The following SGCZ variants were observed in gnomAD, a reference collection of about 807,000 sequenced individuals.
The protein encoded by SGCZ is sarcoglycan zeta.
In SGCZ, 40 loss-of-function variants were observed where a neutral mutation model predicts 41.3. That is an observed-to-expected ratio of 0.97 (90% CI 0.75 to 1.26). SGCZ has a LOEUF of 1.26. SGCZ is among the 50% of genes most tolerant of loss of function. The probability of loss-of-function intolerance (pLI) is 0.00; values close to 1 mark genes in which losing one functional copy is unlikely to be tolerated. For synonymous variants in SGCZ, 206 were observed against 137.5 expected (o/e 1.50, Z -3.49); for missense variants, 552 against 369.8 (o/e 1.49, Z -4.04).
chr8:14,533,701 T>C (rs919025418), intron 2 of SGCZ, among the ~76,000 whole-genome samples: 1 of 151,992 alleles, frequency 6.6e-6, no homozygotes, highest in Non-Finnish European at 1.5e-5. Context: ...TTTTCTACTT[T>C]TACATTATAA....
chr8:15,230,342 G>A (rs1333552698), intron 1 of SGCZ, among the ~76,000 whole-genome samples: 1 of 152,030 alleles, frequency 6.6e-6, no homozygotes, highest in Admixed American at 6.6e-5. Context: ...AGATTTCCCT[G>A]GAATTTTGGC....
intron 2 of SGCZ, among the ~76,000 whole-genome samples, chr8:14,418,603 A>T (rs1799559238): frequency 6.6e-6 from 1 of 151,754 alleles, no homozygotes; most frequent in Non-Finnish European, 1.5e-5. Context: ...CAGTTTTCAA[A>T]GTCTGCTAAC....
intron 4 of SGCZ, among the ~76,000 whole-genome samples, chr8:14,181,252 T>C (rs1224829547): frequency 2.6e-5 from 4 of 152,210 alleles, no homozygotes; most frequent in African/African-American, 9.6e-5. Flanking sequence ...GAAAATATCT[T>C]TCTGAATTGG....
chr8:15,027,780 A>G (rs1040297168), intron 1 of SGCZ, among the ~76,000 whole-genome samples: 7 of 152,076 alleles, frequency 4.6e-5, no homozygotes, highest in Non-Finnish European at 1.0e-4. Context: ...TTAAAGAAAG[A>G]GAAGGGAGAG....
chr8:14,113,607 C>T (rs1374244859), intron 5 of SGCZ, among the ~76,000 whole-genome samples: 1 of 151,970 alleles, frequency 6.6e-6, no homozygotes, highest in Non-Finnish European at 1.5e-5. Context: ...ACCAGGTGAA[C>T]CCGGGAAGTA....
At chr8:14,935,990 T>C (rs1238496904) in intron 1 of SGCZ, among the ~76,000 whole-genome samples, 1 of 151,846 alleles carries the variant, frequency 6.6e-6, no homozygotes, top group African/African-American at 2.4e-5. Context: ...AGGAAGACAA[T>C]TTCCATGCGA....
chr8:14,394,746 AG>A (rs1327655970), intron 2 of SGCZ, among the ~76,000 whole-genome samples: 1 of 152,222 alleles, frequency 6.6e-6, no homozygotes, highest in African/African-American at 2.4e-5. Context: ...TTGTATTTTC[AG>A]CGATTGGGTG....
intron 1 of SGCZ, among the ~76,000 whole-genome samples, chr8:15,177,104 TTA>T (rs1338189151): frequency 1.3e-5 from 2 of 152,248 alleles, no homozygotes; most frequent in Non-Finnish European, 2.9e-5. Context: ...TGTAGATAAT[TTA>T]TTTTCCTTTC....
intron 5 of SGCZ, among the ~76,000 whole-genome samples, chr8:14,108,745 C>T (rs751814456): frequency 6.6e-6 from 1 of 152,006 alleles, no homozygotes; most frequent in Non-Finnish European, 1.5e-5. Context: ...AAGAATATCA[C>T]CAGGCAGGGA....
intron 4 of SGCZ, among the ~76,000 whole-genome samples, chr8:14,190,014 C>CTTTTTTTTT (rs71304966): frequency 0.012 from 1,182 of 100,002 alleles, 6 homozygotes; most frequent in Non-Finnish European, 0.013. Flanking sequence ...TTCTTTCTTT[C>CTTTTTTTTT]TTTTTTTTTT....
intron 3 of SGCZ, among the ~76,000 whole-genome samples, chr8:14,254,244 T>G (rs1157367941): frequency 6.6e-6 from 1 of 152,174 alleles, no homozygotes; most frequent in Admixed American, 6.6e-5. Context: ...ATTATAAAAT[T>G]TTCATTGCCT....
At chr8:14,918,586 A>G (rs907968856) in intron 1 of SGCZ, among the ~76,000 whole-genome samples, 3 of 152,204 alleles carry the variant, frequency 2.0e-5, no homozygotes, top group African/African-American at 7.2e-5. Context: ...GCAGTAGCCA[A>G]TCAATGAGAG....
intron 7 of SGCZ, among the ~76,000 whole-genome samples, chr8:14,093,012 C>T (rs1291012253): frequency 5.9e-5 from 9 of 152,070 alleles, no homozygotes; most frequent in African/African-American, 1.7e-4. Flanking sequence ...AGACAGTGAT[C>T]GTATGGCTCT....
chr8:14,802,610 G>A (rs184575579), intron 1 of SGCZ, among the ~76,000 whole-genome samples: 1 of 152,108 alleles, frequency 6.6e-6, no homozygotes, highest in African/African-American at 2.4e-5. Flanking sequence ...CACAGAGAGA[G>A]AGAGACAGAG....
chr8:14,690,358 G>A (rs911688817), intron 1 of SGCZ: 1 of 151,952 alleles, frequency 6.6e-6, no homozygotes, highest in African/African-American at 2.4e-5. Context: ...GCTTGCTAGG[G>A]TCCCAGCAAC....
At chr8:14,354,822 C>A (rs972526222) in intron 2 of SGCZ, among the ~76,000 whole-genome samples, 2 of 151,558 alleles carry the variant, frequency 1.3e-5, no homozygotes, top group African/African-American at 2.4e-5. Context: ...ATTATGAATT[C>A]TTCACACATG....
At chr8:14,590,407 A>T (rs1438265271) in intron 1 of SGCZ, among the ~76,000 whole-genome samples, 1 of 151,814 alleles carries the variant, frequency 6.6e-6, no homozygotes, top group Non-Finnish European at 1.5e-5. Context: ...TGGTCAAGAA[A>T]TATTGTTGTC....
intron 2 of SGCZ, among the ~76,000 whole-genome samples, chr8:14,447,134 CCAAA>C (rs1278312246): frequency 2.0e-5 from 3 of 152,070 alleles, no homozygotes; most frequent in South Asian, 2.1e-4. Flanking sequence ...CTACAATAGG[CCAAA>C]CAATTTTCAA....
chr8:14,625,759 C>T (rs551135009), intron 1 of SGCZ, among the ~76,000 whole-genome samples: 1 of 152,176 alleles, frequency 6.6e-6, no homozygotes, highest in East Asian at 1.9e-4. Flanking sequence ...AATTCTCCCC[C>T]AAGTTTGAAT....
Sources: gnomAD v4.1 joint callset for allele counts (sites outside exome capture counted in the v4.1 genomes callset) on GRCh38, gnomAD v4.1.1 for gene constraint, MANE v1.5 for transcripts, NCBI Gene and HGNC (gene_info 2026-07-23, HGNC 2026-07-21) for gene names.